The following NTM variants were observed in gnomAD, a reference collection of about 807,000 sequenced individuals.
The protein encoded by NTM is neurotrimin, also known as IgLON family member 2.
In NTM, 13 loss-of-function variants were observed where a neutral mutation model predicts 42.1. The observed-to-expected ratio is 0.31, with a 90% CI of 0.20 to 0.49. The LOEUF is 0.49. NTM is among the 20% of genes least tolerant of loss of function. The probability of loss-of-function intolerance (pLI) is 0.99; values close to 1 mark genes in which losing one functional copy is unlikely to be tolerated. For missense variants in NTM, 373 were observed against 452.8 expected (o/e 0.82, Z 1.60); for synonymous variants, 187 against 179.2 (o/e 1.04, Z -0.35).
At chr11:132,163,130 G>A (rs1427661920) in intron 3 of NTM, among the ~76,000 whole-genome samples, 2 of 152,174 alleles carry the variant, frequency 1.3e-5, no homozygotes, top group Non-Finnish European at 2.9e-5. Flanking sequence ...ATTTGTTCTG[G>A]CCCAGCCACG....
At chr11:132,294,876 T>C (rs553288787) in intron 4 of NTM, among the ~76,000 whole-genome samples, 1 of 152,230 alleles carries the variant, frequency 6.6e-6, no homozygotes, top group East Asian at 1.9e-4. Context: ...GATGATGACA[T>C]AAGAAAGCTC....
chr11:131,776,309 G>C (rs1313966874), intron 1 of NTM, among the ~76,000 whole-genome samples: 1 of 152,140 alleles, frequency 6.6e-6, no homozygotes, highest in African/African-American at 2.4e-5. Flanking sequence ...CTTTTTGTGT[G>C]CAAACCAGCT....
chr11:132,220,236 G>A (rs988241086), intron 4 of NTM, among the ~76,000 whole-genome samples: 3 of 152,150 alleles, frequency 2.0e-5, no homozygotes, highest in Non-Finnish European at 4.4e-5. Context: ...ACCTCAAATT[G>A]GGGAAAAGTG....
intron 2 of NTM, among the ~76,000 whole-genome samples, chr11:131,949,631 A>G (rs1285833100): frequency 1.3e-5 from 2 of 152,102 alleles, no homozygotes. Flanking sequence ...CTGGCCCTAT[A>G]CCTAGAACAG....
intron 1 of NTM, among the ~76,000 whole-genome samples, chr11:131,568,997 C>A (rs956730489): frequency 1.3e-5 from 2 of 152,156 alleles, no homozygotes; most frequent in African/African-American, 4.8e-5. Context: ...AATTTTGCAT[C>A]CATTACTGCA....
chr11:131,669,184 AAG>A (rs149747833), intron 1 of NTM, among the ~76,000 whole-genome samples: 52 of 148,854 alleles, frequency 3.5e-4, no homozygotes, highest in Non-Finnish European at 3.4e-4. Context: ...CCCCCATCCA[AAG>A]AGAGAGAGAG....
chr11:131,868,185 T>C (rs2047417110), intron 1 of NTM, among the ~76,000 whole-genome samples: 1 of 152,222 alleles, frequency 6.6e-6, no homozygotes, highest in Non-Finnish European at 1.5e-5. Flanking sequence ...CAAGGCATCC[T>C]TTTGCTTTAC....
chr11:131,522,519 T>C (rs1379377622), intron 1 of NTM, among the ~76,000 whole-genome samples: 1 of 152,224 alleles, frequency 6.6e-6, no homozygotes, highest in African/African-American at 2.4e-5. Flanking sequence ...TATGTGTTTC[T>C]GTAAAACAGA....
intron 1 of NTM, among the ~76,000 whole-genome samples, chr11:131,757,585 G>A (rs1037534686): frequency 6.6e-6 from 1 of 152,182 alleles, no homozygotes; most frequent in Non-Finnish European, 1.5e-5. Context: ...GTGAGACGGG[G>A]CTGAGTAAAC....
chr11:131,721,300 T>C (rs1055378559), intron 1 of NTM, among the ~76,000 whole-genome samples: 2 of 152,114 alleles, frequency 1.3e-5, no homozygotes, highest in African/African-American at 4.8e-5. Context: ...CACAATTGCT[T>C]TGGTGTCAAG....
At chr11:131,394,478 A>C (rs1287248229) in intron 1 of NTM, among the ~76,000 whole-genome samples, 3 of 152,260 alleles carry the variant, frequency 2.0e-5, no homozygotes, top group African/African-American at 7.2e-5. Flanking sequence ...GAGAAGACTG[A>C]GTAGGGACTC....
intron 1 of NTM, among the ~76,000 whole-genome samples, chr11:131,773,542 G>A (rs2086484279): frequency 1.3e-5 from 2 of 152,080 alleles, no homozygotes; most frequent in African/African-American, 2.4e-5. Flanking sequence ...ATATGTTGTT[G>A]TCCAGCATTT....
At chr11:131,834,273 C>T (rs543708800) in intron 1 of NTM, among the ~76,000 whole-genome samples, 1 of 152,286 alleles carries the variant, frequency 6.6e-6, no homozygotes, top group Admixed American at 6.5e-5. Flanking sequence ...CCTTCCTTCT[C>T]ACTCTATATT....
At chr11:131,372,976 A>G (rs759645450) in intron 1 of NTM, among the ~76,000 whole-genome samples, 2 of 152,116 alleles carry the variant, frequency 1.3e-5, no homozygotes, top group Non-Finnish European at 2.9e-5. Flanking sequence ...ACCTTATCAC[A>G]TTCTACCGAA....
intron 3 of NTM, among the ~76,000 whole-genome samples, chr11:132,155,065 G>A (rs1460969020): frequency 6.6e-6 from 1 of 152,192 alleles, no homozygotes; most frequent in East Asian, 1.9e-4. Flanking sequence ...CACTTGGCAA[G>A]TAGTGCTTTC....
At chr11:131,776,442 C>T (rs1591764859) in intron 1 of NTM, among the ~76,000 whole-genome samples, 1 of 152,330 alleles carries the variant, frequency 6.6e-6, no homozygotes, top group East Asian at 1.9e-4. Context: ...TCAGTAGGCA[C>T]TTGGTCTGCC....
intron 1 of NTM, among the ~76,000 whole-genome samples, chr11:131,468,537 T>A (rs923294214): frequency 2.6e-5 from 4 of 152,202 alleles, no homozygotes; most frequent in East Asian, 1.9e-4. Flanking sequence ...TTGCTTTGGT[T>A]TTTTTGTGAG....
At chr11:132,306,570 G>A (rs982271915) in intron 4 of NTM, 2 of 152,188 alleles carry the variant, frequency 1.3e-5, no homozygotes, top group African/African-American at 4.8e-5. Context: ...AAATAGCCCC[G>A]TGACCCTGTG....
intron 4 of NTM, among the ~76,000 whole-genome samples, chr11:132,295,313 A>G (rs2094574999): frequency 6.6e-6 from 1 of 152,194 alleles, no homozygotes; most frequent in Non-Finnish European, 1.5e-5. Flanking sequence ...TCAAAAGTCT[A>G]GTCAGCTAGT....
Sources: allele counts gnomAD v4.1 joint callset (sites outside exome capture counted in the v4.1 genomes callset), GRCh38; gene constraint gnomAD v4.1.1; transcripts MANE v1.5; gene names NCBI Gene and HGNC (gene_info 2026-07-23, HGNC 2026-07-21).